Variants in TMEM65 observed in about 807,000 individuals in gnomAD.
TMEM65 encodes the protein transmembrane protein 65.
A neutral mutation model predicts 25.4 loss-of-function variants in TMEM65; 22 were observed. The observed-to-expected ratio is 0.86, with a 90% CI of 0.62 to 1.23. TMEM65 has a LOEUF of 1.23. Ranked by LOEUF, TMEM65 falls within the 50% of genes most tolerant of loss-of-function variation. TMEM65 has a pLI of 0.00. For synonymous variants in TMEM65, 132 were observed against 126.2 expected (o/e 1.05, Z -0.31); for missense variants, 262 against 308.2 (o/e 0.85, Z 1.12).
chr8:124,312,756 AAAG>A lies in TMEM65; in HGVS notation c.*1201_*1203del, dbSNP rs774029267. 2 of 151,964 alleles carry A rather than the reference AAAG, an allele frequency of 1.3e-5. No homozygotes were observed. Among genetic ancestry groups the A allele is most frequent in the African/African-American group, 2.4e-5 (1 of 41,450 alleles). 9.4% of individuals were successfully genotyped at this position (151,964 alleles called of 1,614,324 possible). A position where few individuals can be genotyped will look rare whatever the true frequency, so the allele number is the denominator to read the frequency against. Reference sequence around the variant, plus strand: ...CCTAAAATATGCTTTAAATACCACAAAAGAAGAAAAAAGAAAAACAAAGGGAAA... The same window carrying A: ...CCTAAAATATGCTTTAAATACCACAAAAGAAAAAAGAAAAACAAAGGGAAA... On this transcript the variant is annotated 3_prime_UTR_variant, in exon 7 of 7. Transcript: ENST00000297632.
At chr8:124,368,162 A>C (rs1343654471) in intron 1 of TMEM65, among the ~76,000 whole-genome samples, 1 of 151,390 alleles carries the variant, frequency 6.6e-6, no homozygotes, top group African/African-American at 2.4e-5. Flanking sequence ...TTGTATTCAC[A>C]CCTTGTGTAG....
rs1218711196 is a variant in TMEM65, at chr8:124,371,867, A to C, written c.291T>G (p.Ile97Met). Residue 97 changes from isoleucine to methionine, a missense_variant, in exon 1 of 7, where the codon ATT becomes ATG. By Grantham distance (10) the Ile-to-Met change is conservative. Coordinates refer to ENST00000297632, the MANE Select transcript of TMEM65 (RefSeq NM_194291.3). ...LLKELHRFES[I>M]AIAQEKLEAP... is the part of the protein sequence containing the mutation. ...TGCCCCCCTTACCTTGGGCAATGGC[A>C]ATAGACTCGAAGCGGTGCAGCTCTT... 4 of 1,539,796 alleles carry C rather than the reference A, an allele frequency of 2.6e-6. No individual in the cohort carries two copies. The highest frequency in any genetic ancestry group is 3.5e-6 in the Non-Finnish European group (4 of 1,148,854).
intron 1 of TMEM65, among the ~76,000 whole-genome samples, chr8:124,344,236 T>C (rs1043426722): frequency 6.6e-6 from 1 of 152,236 alleles, no homozygotes; most frequent in Non-Finnish European, 1.5e-5. Context: ...TGTCACTCCA[T>C]AACCAACTGG....
chr8:124,367,417 G>A (rs1814953158), intron 1 of TMEM65, among the ~76,000 whole-genome samples: 1 of 152,118 alleles, frequency 6.6e-6, no homozygotes, highest in Non-Finnish European at 1.5e-5. Context: ...GAGTTGCACT[G>A]AGCTGAGATC....
chr8:124,317,484 T>C lies in TMEM65; in HGVS notation c.621+2602A>G, dbSNP rs144776387. Among the ~76,000 whole-genome samples, 387 of 152,324 alleles carry C rather than the reference T, an allele frequency of 2.5e-3. 1 individual carries two copies. Among genetic ancestry groups the C allele is most frequent in the African/African-American group, 7.9e-3 (329 of 41,574 alleles). On this transcript the variant is annotated intron_variant, in intron 6 of 6. Coordinates refer to ENST00000297632, the MANE Select transcript of TMEM65 (RefSeq NM_194291.3). Reference sequence around the variant, plus strand: ...AGACTATGAGCTCTTAGGTATTTTCTAGGGTTCTTTAATTCTGCACATTTT... The same window carrying C: ...AGACTATGAGCTCTTAGGTATTTTCCAGGGTTCTTTAATTCTGCACATTTT...
At chr8:124,365,675 G>A (rs1228462590) in intron 1 of TMEM65, among the ~76,000 whole-genome samples, 1 of 152,182 alleles carries the variant, frequency 6.6e-6, no homozygotes, top group Non-Finnish European at 1.5e-5. Context: ...ATAATCATGA[G>A]GGTTCTTATA....
intron 1 of TMEM65, chr8:124,350,937 G>C: frequency 1.0e-6 from 1 of 971,622 alleles, no homozygotes; most frequent in South Asian, 4.8e-5. Context: ...AAACACTAAC[G>C]CAAAAACAGA....
chr8:124,352,537 T>C (rs1005697895), intron 1 of TMEM65, among the ~76,000 whole-genome samples: 1 of 131,900 alleles, frequency 7.6e-6, no homozygotes, highest in Non-Finnish European at 1.6e-5. Context: ...TAAAATAAAA[T>C]AAAAATACAG....
chr8:124,310,470 T>G lies in TMEM65; in HGVS notation c.*3490A>C, dbSNP rs1037856657. On this transcript the variant is annotated 3_prime_UTR_variant, in exon 7 of 7. Coordinates refer to ENST00000297632, the MANE Select transcript of TMEM65 (RefSeq NM_194291.3). The stretch of plus-strand genomic sequence containing the variant: ...GCAGTTAAGAAGACAGGCTTCATAC[T>G]TGGACAAAATAGGATTCCAGTCCAC... 4 of 152,174 alleles carry G rather than the reference T, an allele frequency of 2.6e-5. No individual in the cohort carries two copies. The highest frequency in any genetic ancestry group is 5.9e-5 in the Non-Finnish European group (4 of 68,016). The allele number at this position is 152,174 out of a possible 1,614,324, so 9.4% of individuals were successfully genotyped here. A position where few individuals can be genotyped will look rare whatever the true frequency, so the allele number is the denominator to read the frequency against.
intron 1 of TMEM65, among the ~76,000 whole-genome samples, chr8:124,370,141 A>C (rs1814993731): frequency 6.6e-6 from 1 of 152,196 alleles, no homozygotes; most frequent in South Asian, 2.1e-4. Flanking sequence ...TATTATCTTT[A>C]TTAGGAAATG....
Position 124,317,610 on chromosome 8 carries a change from G to A in TMEM65, c.621+2476C>T, listed in dbSNP as rs546097997. Among the ~76,000 whole-genome samples, 5 of 152,248 alleles carry A rather than the reference G, an allele frequency of 3.3e-5. No individual in the cohort carries two copies. The South Asian group carries it at 1.0e-3, about 32-fold the overall frequency. ...TTTTCATTTTGTGAATCTGTAGCAGGCACATTTTAAGGCGGCCTCCATGAT... is the reference window on the plus strand; with the variant it reads ...TTTTCATTTTGTGAATCTGTAGCAGACACATTTTAAGGCGGCCTCCATGAT... On this transcript the variant is annotated intron_variant, in intron 6 of 6. Coordinates refer to ENST00000297632, the MANE Select transcript of TMEM65 (RefSeq NM_194291.3).
rs1586467214 is a variant in TMEM65 at position 124,345,578 on chromosome 8, T to C, written c.305-14786A>G. ...TGCTGTAACACAGAAACAGGGCTAA[T>C]GGCATATAGAGTGAGCTCTATTATT... On this transcript the variant is annotated intron_variant, in intron 1 of 6. Coordinates refer to ENST00000297632, the MANE Select transcript of TMEM65 (RefSeq NM_194291.3). Among the ~76,000 whole-genome samples the C allele has an allele frequency of 7.2e-5, 11 of 152,294 alleles. No individual in the cohort carries two copies. In the South Asian group the frequency reaches 2.3e-3, roughly 32 times the overall value.
At chr8:124,316,361 C>A (rs777362369) in intron 6 of TMEM65, among the ~76,000 whole-genome samples, 11 of 152,150 alleles carry the variant, frequency 7.2e-5, no homozygotes, top group Non-Finnish European at 1.2e-4. Context: ...TTAAAATACA[C>A]CTGTGTCAAC....
In TMEM65 at chr8:124,359,952, C is replaced by T. The variant is rs752228095; in HGVS notation, c.304+11902G>A. ...TCAGAGCTATCATATTGAGTCTAGG[C>T]GCAGAGAACGCTTTCTTTGCCCTTT... On this transcript the variant is annotated intron_variant, in intron 1 of 6. Coordinates refer to ENST00000297632, the MANE Select transcript of TMEM65 (RefSeq NM_194291.3). Among the ~76,000 whole-genome samples the T allele has an allele frequency of 3.9e-5, 6 of 152,060 alleles. No individual in the cohort carries two copies. The East Asian group carries it at 9.6e-4, about 24-fold the overall frequency.
chr8:124,330,775 G>A lies in TMEM65; in HGVS notation c.322C>T (p.Pro108Ser). The change falls in exon 2 of 7, where the codon CCA becomes TCA. Residue 108 changes from proline (P) to serine (S), a missense_variant. Pro to Ser is a moderately conservative substitution (Grantham distance 74). Coordinates refer to ENST00000297632, the MANE Select transcript of TMEM65 (RefSeq NM_194291.3). ...AIAQEKLEAP[P>S]PTPGQLRYVF... ...TATCTCAGCTGTCCTGGGGTGGGTGGTGGAGCTTCCAATTTTTCTAAAGGG... is the reference window on the plus strand; with the variant it reads ...TATCTCAGCTGTCCTGGGGTGGGTGATGGAGCTTCCAATTTTTCTAAAGGG... The A allele has an allele frequency of 6.3e-7, 1 of 1,580,976 alleles. No individual in the cohort carries two copies. The highest frequency in any genetic ancestry group is 1.2e-5 in the South Asian group (1 of 86,788).
chr8:124,352,999 C>T (rs890208559), intron 1 of TMEM65, among the ~76,000 whole-genome samples: 16 of 151,918 alleles, frequency 1.1e-4, no homozygotes, highest in Non-Finnish European at 2.1e-4. Flanking sequence ...TGGTAGTGCA[C>T]GCCTGTAATC....
At chr8:124,349,747 T>C (rs1427530875) in intron 1 of TMEM65, among the ~76,000 whole-genome samples, 1 of 152,128 alleles carries the variant, frequency 6.6e-6, no homozygotes, top group East Asian at 1.9e-4. Flanking sequence ...CTACTCTAAG[T>C]AGGGATATAA....
intron 1 of TMEM65, among the ~76,000 whole-genome samples, chr8:124,338,483 T>A (rs143403299): frequency 1.6e-3 from 250 of 152,210 alleles, no homozygotes; most frequent in African/African-American, 5.6e-3. Context: ...CCCATCTCAC[T>A]GCATTTTTAT....
chr8:124,351,850 G>A (rs1814712861), intron 1 of TMEM65, among the ~76,000 whole-genome samples: 1 of 152,056 alleles, frequency 6.6e-6, no homozygotes, highest in Admixed American at 6.6e-5. Context: ...CCCACAGTCA[G>A]CTATTTCTTC....
Sources: gnomAD v4.1 joint callset for allele counts (sites outside exome capture counted in the v4.1 genomes callset) on GRCh38, gnomAD v4.1.1 for gene constraint, MANE v1.5 for transcripts, NCBI Gene and HGNC (gene_info 2026-07-23, HGNC 2026-07-21) for gene names.